Variants in MACROD2 observed in about 807,000 individuals in gnomAD.
The protein encoded by MACROD2 is mono-ADP ribosylhydrolase 2, also known as ADP-ribose glycohydrolase MACROD2.
A neutral mutation model predicts 70.4 loss-of-function variants in MACROD2; 36 were observed. The observed-to-expected ratio is 0.51, with a 90% CI of 0.39 to 0.68. The LOEUF (loss-of-function observed/expected upper bound fraction) is 0.68, where lower values mean the gene tolerates loss of function less well. Among genes scored for constraint, MACROD2 ranks in the 30% least tolerant of loss-of-function variants. MACROD2 has a pLI of 0.00. For synonymous variants in MACROD2, 172 were observed against 178.8 expected (o/e 0.96, Z 0.30); for missense variants, 496 against 538.4 (o/e 0.92, Z 0.78).
chr20:15,990,015 A>G (rs1367749053), intron 15 of MACROD2, among the ~76,000 whole-genome samples: 2 of 152,180 alleles, frequency 1.3e-5, no homozygotes, highest in Admixed American at 1.3e-4. Flanking sequence ...GATTTTGAAA[A>G]GAAGGAAAAA....
chr20:15,031,842 T>C (rs527963079), intron 5 of MACROD2, among the ~76,000 whole-genome samples: 1 of 152,208 alleles, frequency 6.6e-6, no homozygotes, highest in Non-Finnish European at 1.5e-5. Flanking sequence ...AGGCTGTCCC[T>C]GGCTTGAAGG....
At chr20:14,435,056 A>G (rs1009832584) in intron 3 of MACROD2, among the ~76,000 whole-genome samples, 1 of 152,198 alleles carries the variant, frequency 6.6e-6, no homozygotes, top group African/African-American at 2.4e-5. Context: ...TTAATACTGC[A>G]GAACTTGATT....
At chr20:15,285,394 A>G (rs1337513806) in intron 6 of MACROD2, among the ~76,000 whole-genome samples, 2 of 152,208 alleles carry the variant, frequency 1.3e-5, no homozygotes, top group African/African-American at 4.8e-5. Flanking sequence ...CCTTAGAGCC[A>G]ATGCAAACTC....
chr20:15,482,878 G>A (rs1415099317), intron 7 of MACROD2, among the ~76,000 whole-genome samples: 3 of 152,076 alleles, frequency 2.0e-5, no homozygotes, highest in South Asian at 4.1e-4. Flanking sequence ...TTGGTGGGGT[G>A]TTTGTTGAAG....
intron 8 of MACROD2, among the ~76,000 whole-genome samples, chr20:15,774,916 G>C (rs2051695991): frequency 6.6e-6 from 1 of 152,036 alleles, no homozygotes. Flanking sequence ...AAATTGGTTT[G>C]TGCTCCTAGC....
intron 2 of MACROD2, among the ~76,000 whole-genome samples, chr20:14,069,295 CAG>C (rs954206762): frequency 1.3e-5 from 2 of 152,056 alleles, no homozygotes; most frequent in African/African-American, 2.4e-5. Context: ...ATTTAAAAAT[CAG>C]GGGATTTTAC....
chr20:15,018,945 C>G (rs923012317), intron 5 of MACROD2, among the ~76,000 whole-genome samples: 4 of 152,170 alleles, frequency 2.6e-5, no homozygotes, highest in African/African-American at 9.7e-5. Flanking sequence ...AGGCATCCCT[C>G]GAAGCTGAGC....
intron 7 of MACROD2, among the ~76,000 whole-genome samples, chr20:15,491,863 C>T (rs997537606): frequency 2.0e-5 from 3 of 152,224 alleles, no homozygotes; most frequent in Non-Finnish European, 4.4e-5. Flanking sequence ...CAAGAAGATA[C>T]ATGCAGTGCA....
intron 3 of MACROD2, among the ~76,000 whole-genome samples, chr20:14,229,760 T>C (rs910489771): frequency 2.0e-5 from 3 of 152,218 alleles, no homozygotes; most frequent in Non-Finnish European, 4.4e-5. Context: ...TGAATATTTT[T>C]AGCTACTTTA....
intron 3 of MACROD2, among the ~76,000 whole-genome samples, chr20:14,445,610 G>A (rs1282431391): frequency 1.3e-5 from 2 of 152,084 alleles, no homozygotes; most frequent in African/African-American, 2.4e-5. Flanking sequence ...CTTCTCCTGT[G>A]CTGGACTAGG....
At chr20:15,405,721 C>G (rs2045991272) in intron 6 of MACROD2, among the ~76,000 whole-genome samples, 1 of 152,184 alleles carries the variant, frequency 6.6e-6, no homozygotes, top group South Asian at 2.1e-4. Context: ...CCAGAGAAAT[C>G]TTCCTACCCC....
intron 8 of MACROD2, among the ~76,000 whole-genome samples, chr20:15,503,788 G>T (rs951834586): frequency 1.3e-5 from 2 of 152,166 alleles, no homozygotes; most frequent in African/African-American, 4.8e-5. Flanking sequence ...GCAAGGCCTG[G>T]GTTCAGTGGA....
rs1158977402 is a variant in MACROD2 at position 14,448,158 on chromosome 20, G to T, written c.272-45321G>T. ...TCTCTTTCATTTAGACCCTAGAGAG[G>T]TCAGATTACCACAGTCCAAAGTAGG... On this transcript the variant is annotated intron_variant, in intron 3 of 17. Coordinates refer to ENST00000684519, the MANE Select transcript of MACROD2 (RefSeq NM_001351661.2). 1.3e-5 allele frequency among the ~76,000 whole-genome samples: 2 copies of T among 151,860 alleles called. 1 individual carries two copies. The highest frequency in any genetic ancestry group is 4.8e-5 in the African/African-American group (2 of 41,252).
At chr20:14,825,443 A>C (rs1259336356) in intron 5 of MACROD2, among the ~76,000 whole-genome samples, 1 of 152,138 alleles carries the variant, frequency 6.6e-6, no homozygotes, top group Non-Finnish European at 1.5e-5. Flanking sequence ...CAAGGGCATT[A>C]AAATATGCTA....
chr20:15,257,613 T>G (rs2077210826), intron 6 of MACROD2, among the ~76,000 whole-genome samples: 2 of 152,064 alleles, frequency 1.3e-5, no homozygotes, highest in Non-Finnish European at 2.9e-5. Flanking sequence ...TTCTTAAGGT[T>G]GTAACACAAT....
chr20:15,646,307 G>A (rs1442329921), intron 8 of MACROD2, among the ~76,000 whole-genome samples: 2 of 152,134 alleles, frequency 1.3e-5, no homozygotes, highest in East Asian at 1.9e-4. Flanking sequence ...ACCTTCTGAT[G>A]AGCCCCAAGC....
intron 5 of MACROD2, among the ~76,000 whole-genome samples, chr20:15,150,259 C>T (rs966537980): frequency 2.6e-5 from 4 of 151,762 alleles, no homozygotes; most frequent in East Asian, 1.9e-4. Context: ...CAAGTGAAAG[C>T]GAAGAGAGGC....
chr20:14,038,910 C>A (rs1012871506), intron 2 of MACROD2, among the ~76,000 whole-genome samples: 5 of 151,890 alleles, frequency 3.3e-5, no homozygotes, highest in Admixed American at 3.3e-4. Context: ...AATTTGCTTC[C>A]TTAGATTTTT....
At chr20:14,367,073 T>C (rs994217342) in intron 3 of MACROD2, among the ~76,000 whole-genome samples, 23 of 152,190 alleles carry the variant, frequency 1.5e-4, no homozygotes, top group Non-Finnish European at 8.8e-5. Flanking sequence ...TAAAGACTTT[T>C]CTTTGTGGTT....
Sources: allele counts gnomAD v4.1 joint callset (sites outside exome capture counted in the v4.1 genomes callset), GRCh38; gene constraint gnomAD v4.1.1; transcripts MANE v1.5; gene names NCBI Gene and HGNC (gene_info 2026-07-23, HGNC 2026-07-21).